The following CCR1 variants were observed in gnomAD, a reference collection of about 807,000 sequenced individuals.
CCR1 encodes the protein C-C motif chemokine receptor 1.
CCR1 carries 1 observed loss-of-function variant against 0.3 expected under a neutral mutation model. The observed-to-expected ratio is 3.70, with a 90% CI of 1.31 to 17.54. CCR1 has a LOEUF of 17.54. Ranked by LOEUF, CCR1 falls within the 30% of genes most tolerant of loss-of-function variation. The pLI is 0.11. For synonymous variants in CCR1, 207 were observed against 182.5 expected (o/e 1.13, Z -1.08); for missense variants, 349 against 435.4 (o/e 0.80, Z 1.77).
chr3:46,206,653 C>T (rs537642061), intron 1 of CCR1, among the ~76,000 whole-genome samples: 1 of 152,306 alleles, frequency 6.6e-6, no homozygotes, highest in Admixed American at 6.5e-5. Context: ...AACCGAGTCA[C>T]CTCCATACAC....
chr3:46,205,409 G>A (rs1699638362), intron 1 of CCR1, among the ~76,000 whole-genome samples: 1 of 152,198 alleles, frequency 6.6e-6, no homozygotes, highest in Non-Finnish European at 1.5e-5. Flanking sequence ...ATGAGGTGAT[G>A]TTACACAGTG....
Position 46,203,083 on chromosome 3 carries a change from C to T in CCR1, c.*163G>A. ...ATGGAAAAGACTGAAGCCCCAGAAG[C>T]CTCAGAAGCCCCAGGCCACCATTAC... On this transcript the variant is annotated 3_prime_UTR_variant, in exon 2 of 2. Transcript: ENST00000296140. The surrounding 1 kb of genome is among the most constrained non-coding windows in gnomAD (Gnocchi z 4.5). 5.3e-6 allele frequency: 3 copies of T among 568,664 alleles called. No individual in the cohort carries two copies. The highest frequency in any genetic ancestry group is 2.5e-5 in the South Asian group (1 of 39,726). The allele number at this position is 568,664 out of a possible 1,614,324, so 35.2% of individuals were successfully genotyped here. A position where few individuals can be genotyped will look rare whatever the true frequency, so the allele number is the denominator to read the frequency against.
rs777109152 is a variant in CCR1, at chr3:46,201,897, T to C, written c.*1349A>G. On this transcript the variant is annotated 3_prime_UTR_variant, in exon 2 of 2. Coordinates refer to ENST00000296140, the MANE Select transcript of CCR1 (RefSeq NM_001295.3). The stretch of plus-strand genomic sequence containing the variant: ...GTGGGCACATTTTGTCTTTGGGTAG[T>C]GGAAGTGTAGGTAATGTCAGTGTTT... 1 of 152,222 alleles carries C rather than the reference T, an allele frequency of 6.6e-6. No homozygotes were observed. Among genetic ancestry groups the C allele is most frequent in the Non-Finnish European group, 1.5e-5 (1 of 68,038 alleles). The allele number at this position is 152,222 out of a possible 1,614,324, so 9.4% of individuals were successfully genotyped here. A position where few individuals can be genotyped will look rare whatever the true frequency, so the allele number is the denominator to read the frequency against.
Position 46,203,275 on chromosome 3 carries a change from C to CTGTGGAGGGAGA in CCR1, c.1027_1038dup (p.Ser343_Thr346dup). 6.2e-7 allele frequency: 1 copy of CTGTGGAGGGAGA among 1,614,030 alleles called. No homozygotes were observed. The highest frequency in any genetic ancestry group is 8.5e-7 in the Non-Finnish European group (1 of 1,179,924). On this transcript the variant is annotated inframe_insertion, in exon 2 of 2. Transcript: ENST00000296140. This position sits in a 1 kb window ranked among gnomAD's most constrained non-coding sequence, Gnocchi z 4.5. ...AACCCAGCAGAGAGTTCATGCTCCC[C>CTGTGGAGGGAGA]TGTGGAGGGAGATGTGGAGCTGACC...
At chr3:46,204,425 A>C (rs1699629613) in intron 1 of CCR1, 101 bp from the exon 2 acceptor site, 3 of 738,410 alleles carry the variant, frequency 4.1e-6, no homozygotes, top group Admixed American at 3.0e-5. Flanking sequence ...TTTTTCAGCC[A>C]CTCCATAAAT....
chr3:46,202,876 A>G lies in CCR1; in HGVS notation c.*370T>C, dbSNP rs1449067881. ...ACTTTGAATGGAGCCCACAGTCACCACTACTGGGTTTAATTGGTTTGTGCA... is the reference window on the plus strand; with the variant it reads ...ACTTTGAATGGAGCCCACAGTCACCGCTACTGGGTTTAATTGGTTTGTGCA... On this transcript the variant is annotated 3_prime_UTR_variant, in exon 2 of 2. Coordinates refer to ENST00000296140, the MANE Select transcript of CCR1 (RefSeq NM_001295.3). The G allele has an allele frequency of 5.7e-6, 1 of 176,928 alleles. No homozygotes were observed. Among genetic ancestry groups the G allele is most frequent in the East Asian group, 1.5e-4 (1 of 6,546 alleles). 11.0% of individuals were successfully genotyped at this position (176,928 alleles called of 1,614,324 possible). A position where few individuals can be genotyped will look rare whatever the true frequency, so the allele number is the denominator to read the frequency against.
rs1049957970 is a variant in CCR1, at chr3:46,207,932, G to A, written c.-12+350C>T. Among the ~76,000 whole-genome samples the A allele has an allele frequency of 3.0e-4, 45 of 152,062 alleles. 2 individuals carry two copies. Among genetic ancestry groups the A allele is most frequent in the South Asian group, 2.1e-4 (1 of 4,824 alleles). Reference sequence around the variant, plus strand: ...TGGGATTACAGCCGTGAGCCACTGCGCCCCGCCAAGTAATTTCTTATTGAA... The same window carrying A: ...TGGGATTACAGCCGTGAGCCACTGCACCCCGCCAAGTAATTTCTTATTGAA... On this transcript the variant is annotated intron_variant, in intron 1 of 1. Coordinates refer to ENST00000296140, the MANE Select transcript of CCR1 (RefSeq NM_001295.3).
In CCR1 at chr3:46,204,152, C is replaced by A; in HGVS notation, c.162G>T (p.Leu54=). The change falls in exon 2 of 2, where the codon CTG becomes CTT. Residue 54 remains leucine, a synonymous_variant. Transcript: ENST00000296140. The stretch of plus-strand genomic sequence containing the variant: ...TGTATTGCACAAGGACCAGGACCAC[C>A]AGGATGTTTCCAACCAGGCCAATGA... ...VFVIGLVGNI[L]VVLVLVQYKR... is the part of the protein sequence containing the mutation. 1 of 1,614,148 alleles carries A rather than the reference C, an allele frequency of 6.2e-7. No homozygotes were observed.
At position 46,203,318 on chromosome 3, in the gene CCR1, G is replaced by A. The variant is rs202159281; in HGVS notation, c.996C>T (p.Ser332=). The A allele has an allele frequency of 5.1e-5, 82 of 1,614,052 alleles. 1 individual carries two copies. The highest frequency in any genetic ancestry group is 9.3e-5 in the African/African-American group (7 of 74,922). ...AGCTGACCCTCTCCAGCCTGTCCAC[G>A]GAGAGGAAGGGGAGCCATTTAACCA... ...VHLVKWLPFL[S]VDRLERVSST... The change falls in exon 2 of 2, where the codon TCC becomes TCT. Residue 332 remains serine, a synonymous_variant. Coordinates refer to ENST00000296140, the MANE Select transcript of CCR1 (RefSeq NM_001295.3). This position sits in a 1 kb window ranked among gnomAD's most constrained non-coding sequence, Gnocchi z 4.5.
In CCR1 at chr3:46,204,148, C is replaced by A; in HGVS notation, c.166G>T (p.Val56Phe). The A allele has an allele frequency of 1.2e-6, 2 of 1,614,108 alleles. No homozygotes were observed. Among genetic ancestry groups the A allele is most frequent in the Non-Finnish European group, 1.7e-6 (2 of 1,180,016 alleles). Residue 56 changes from valine (V) to phenylalanine (F), a missense_variant, in exon 2 of 2, where the codon GTC becomes TTC. Transcript: ENST00000296140. ...VIGLVGNILV[V>F]LVLVQYKRLK... ...CTCTTGTATTGCACAAGGACCAGGA[C>A]CACCAGGATGTTTCCAACCAGGCCA...
Position 46,202,166 on chromosome 3 carries a change from A to G in CCR1, c.*1080T>C, listed in dbSNP as rs1427796099. The G allele has an allele frequency of 6.6e-6, 1 of 151,862 alleles. No individual in the cohort carries two copies. Among genetic ancestry groups the G allele is most frequent in the Non-Finnish European group, 1.5e-5 (1 of 67,986 alleles). The allele number at this position is 151,862 out of a possible 1,614,324, so 9.4% of individuals were successfully genotyped here. On this transcript the variant is annotated 3_prime_UTR_variant, in exon 2 of 2. Transcript: ENST00000296140. The stretch of plus-strand genomic sequence containing the variant: ...CCCTCCTAGTAGACACTTTCCTCCC[A>G]ACCCCCTATCAGCTACAAATACTGT...
intron 1 of CCR1, among the ~76,000 whole-genome samples, chr3:46,206,437 A>G (rs1699649078): frequency 6.6e-6 from 1 of 152,216 alleles, no homozygotes; most frequent in Non-Finnish European, 1.5e-5. Context: ...TAATTTCTGC[A>G]GCCACAGCCA....
At chr3:46,205,690 G>A (rs1699641771) in intron 1 of CCR1, among the ~76,000 whole-genome samples, 1 of 152,110 alleles carries the variant, frequency 6.6e-6, no homozygotes, top group African/African-American at 2.4e-5. Context: ...TGTAATGTGG[G>A]AAAGCAACTC....
intron 1 of CCR1, among the ~76,000 whole-genome samples, chr3:46,205,057 G>A (rs1369830645): frequency 2.6e-5 from 4 of 152,340 alleles, no homozygotes; most frequent in Non-Finnish European, 4.4e-5. Flanking sequence ...GGCATTTGTT[G>A]TTGTTGTCAC....
In CCR1 at chr3:46,203,440, T is replaced by C; in HGVS notation, c.874A>G (p.Thr292Ala). ...AVQVTEVIAY[T>A]HCCVNPVIYA... ...ATCACTGGGTTGACACAGCAGTGCG[T>C]GTAGGCGATCACCTCCGTCACTTGC... is the stretch of plus-strand genomic sequence containing the variant. The change falls in exon 2 of 2, where the codon ACG becomes GCG. Residue 292 changes from threonine (T) to alanine (A), a missense_variant. Thr to Ala is a moderately conservative substitution (Grantham distance 58). Transcript: ENST00000296140. The surrounding 1 kb of genome is among the most constrained non-coding windows in gnomAD (Gnocchi z 4.5). The C allele has an allele frequency of 6.2e-7, 1 of 1,614,174 alleles. No individual in the cohort carries two copies. Among genetic ancestry groups the C allele is most frequent in the Non-Finnish European group, 8.5e-7 (1 of 1,180,026 alleles).
Position 46,204,301 on chromosome 3 carries a change from T to C in CCR1, c.13A>G (p.Asn5Asp), listed in dbSNP as rs1341379623. 6.4e-7 allele frequency: 1 copy of C among 1,570,570 alleles called. No individual in the cohort carries two copies. The highest frequency in any genetic ancestry group is 1.4e-5 in the African/African-American group (1 of 72,574). ...GTCGTGTCATAGTCCTCTGTGGTGT[T>C]TGGAGTTTCCATCCCGGCTTCTCCT... METP[N>D]TTEDYDTTTE... Residue 5 changes from asparagine to aspartate, a missense_variant, in exon 2 of 2, where the codon AAC (asparagine) becomes GAC (aspartate). Physicochemically the swap from Asn to Asp is conservative, Grantham distance 23 (BLOSUM62 1). Coordinates refer to ENST00000296140, the MANE Select transcript of CCR1 (RefSeq NM_001295.3).
At position 46,203,960 on chromosome 3, in the gene CCR1, G is replaced by C; in HGVS notation, c.354C>G (p.Tyr118Ter). 6.2e-7 allele frequency: 1 copy of C among 1,614,154 alleles called. No homozygotes were observed. Among genetic ancestry groups the C allele is most frequent in the Non-Finnish European group, 8.5e-7 (1 of 1,180,028 alleles). ...GCAGGATGATGAAAAAGATCTCGCT[G>C]TACAAGCCTGTGTAATAAAACCCAG... is the stretch of plus-strand genomic sequence containing the variant. ...ILSGFYYTGLYSEIFFIILLT... is the reference protein window; with the variant it reads ...ILSGFYYTGL Residue 118 changes from tyrosine to a stop codon, truncating the protein, a stop_gained, in exon 2 of 2, where the codon TAC (tyrosine) becomes TAG (stop). Coordinates refer to ENST00000296140, the MANE Select transcript of CCR1 (RefSeq NM_001295.3). LOFTEE classifies it low-confidence loss of function (END_TRUNC). The surrounding 1 kb of genome is among the most constrained non-coding windows in gnomAD (Gnocchi z 4.5).
In CCR1 at chr3:46,203,669, C is replaced by T. The variant is rs1699619326; in HGVS notation, c.645G>A (p.Met215Ile). ...TTATAATCCCTGTGTAGCAGATGAT[C>T]ATGACCAACAAAGGCAATACCAGCC... ...LFGLVLPLLVMIICYTGIIKI... is the reference protein window; with the variant it reads ...LFGLVLPLLVIIICYTGIIKI... Residue 215 changes from methionine (M) to isoleucine (I), a missense_variant, in exon 2 of 2, where the codon ATG becomes ATA. Transcript: ENST00000296140. This position sits in a 1 kb window ranked among gnomAD's most constrained non-coding sequence, Gnocchi z 4.5. The T allele has an allele frequency of 2.5e-6, 4 of 1,614,064 alleles. No individual in the cohort carries two copies. Among genetic ancestry groups the T allele is most frequent in the South Asian group, 1.1e-5 (1 of 91,074 alleles).
rs61752589 is a variant in CCR1 at position 46,203,838 on chromosome 3, G to A, written c.476C>T (p.Ala159Val). The change falls in exon 2 of 2, where the codon GCC becomes GTC. Residue 159 changes from alanine (A) to valine (V), a missense_variant. By Grantham distance (64) the Ala-to-Val change is moderately conservative. Coordinates refer to ENST00000296140, the MANE Select transcript of CCR1 (RefSeq NM_001295.3). The surrounding 1 kb of genome is among the most constrained non-coding windows in gnomAD (Gnocchi z 4.5). ...TGGCATGGAAGCCAAGATGGCCAGG[G>A]CCCAAATGATGATGCTGGTGATGAC... ...FGVITSIIIW[A>V]LAILASMPGL... 1.2e-3 allele frequency: 2,012 copies of A among 1,614,182 alleles called. 7 individuals carry two copies. The highest frequency in any genetic ancestry group is 4.9e-3 in the Middle Eastern group (30 of 6,062).
Sources: allele counts gnomAD v4.1 joint callset (sites outside exome capture counted in the v4.1 genomes callset), GRCh38; gene constraint gnomAD v4.1.1; non-coding constraint Gnocchi (gnomAD v3.1); transcripts MANE v1.5; gene names NCBI Gene and HGNC (gene_info 2026-07-23, HGNC 2026-07-21).